Variants in CALN1 observed in about 807,000 individuals in gnomAD.
CALN1 encodes calneuron 1.
In CALN1, 17 loss-of-function variants were observed where a neutral mutation model predicts 30.6. The observed-to-expected ratio is 0.56, with a 90% confidence interval of 0.38 to 0.83. The LOEUF (loss-of-function observed/expected upper bound fraction) is 0.83. CALN1 is among the 40% of genes least tolerant of loss of function. The pLI, the probability that CALN1 is intolerant of heterozygous loss-of-function variation, is 0.00. For synonymous variants in CALN1, 156 were observed against 131.4 expected, an observed-to-expected ratio of 1.19 and a Z score of -1.28; for missense variants, 291 against 354.9, an observed-to-expected ratio of 0.82 and a Z score of 1.45.
intron 2 of CALN1, among the ~76,000 whole-genome samples, chr7:72,392,001 C>T (rs1470991914): frequency 2.6e-5 from 4 of 152,198 alleles, no homozygotes; most frequent in African/African-American, 9.7e-5. Context: ...ATGGCAGAAG[C>T]AATAGCTTAC....
Position 72,128,764 on chromosome 7 carries a change from C to T in CALN1, c.245-22470G>A, listed in dbSNP as rs368388148. On this transcript the variant is annotated intron_variant, in intron 3 of 6. Coordinates refer to ENST00000395275, the MANE Select transcript of CALN1 (RefSeq NM_031468.4). The stretch of plus-strand genomic sequence containing the variant: ...GCAGGCATCTATAATCCCAGCTACT[C>T]AGGAGGCTGAGGCAGGAGAATCACT... Among the ~76,000 whole-genome samples, 32 of 152,182 alleles carry T rather than the reference C, an allele frequency of 2.1e-4. No individual in the cohort carries two copies. The East Asian group carries it at 5.8e-3, about 28-fold the overall frequency.
At chr7:72,037,276 G>A (rs1182204242) in intron 4 of CALN1, among the ~76,000 whole-genome samples, 6 of 151,932 alleles carry the variant, frequency 3.9e-5, no homozygotes, top group Admixed American at 2.0e-4. Context: ...TCAGCCTCCC[G>A]AGTAGCTGGG....
At chr7:72,395,039 C>G (rs1402473442) in intron 2 of CALN1, among the ~76,000 whole-genome samples, 1 of 152,036 alleles carries the variant, frequency 6.6e-6, no homozygotes, top group Admixed American at 6.6e-5. Context: ...CCTGATGTGC[C>G]CCAGGAACGC....
In CALN1 at chr7:72,340,996, A is replaced by G. The variant is rs376881705; in HGVS notation, c.120-62186T>C. Among the ~76,000 whole-genome samples, 3 of 152,214 alleles carry G rather than the reference A, an allele frequency of 2.0e-5. No homozygotes were observed. The East Asian group carries it at 5.8e-4, about 29-fold the overall frequency. On this transcript the variant is annotated intron_variant, in intron 2 of 6. Coordinates refer to ENST00000395275, the MANE Select transcript of CALN1 (RefSeq NM_031468.4). ...CCATTAAATCTTTCTTTTGTAAATTACCCAGTCTCAGCTATGTCTTTATCA... is the reference window on the plus strand; with the variant it reads ...CCATTAAATCTTTCTTTTGTAAATTGCCCAGTCTCAGCTATGTCTTTATCA...
At chr7:71,986,044 A>T (rs1470575958) in intron 5 of CALN1, among the ~76,000 whole-genome samples, 2 of 148,968 alleles carry the variant, frequency 1.3e-5, no homozygotes, top group Non-Finnish European at 2.9e-5. Context: ...ATCAACATGG[A>T]TAAATCTTTC....
intron 3 of CALN1, among the ~76,000 whole-genome samples, chr7:72,164,283 A>C (rs1475192857): frequency 1.3e-5 from 2 of 150,916 alleles, no homozygotes; most frequent in Admixed American, 6.6e-5. Context: ...CAGCAGAATC[A>C]CTTGAACCTG....
chr7:72,407,702 TCA>T (rs1406203933), intron 1 of CALN1, among the ~76,000 whole-genome samples: 1 of 152,176 alleles, frequency 6.6e-6, no homozygotes, highest in African/African-American at 2.4e-5. Flanking sequence ...AGGGATTTCT[TCA>T]GAGCAGTGCA....
At chr7:71,789,022 C>T (rs753037800) in intron 6 of CALN1, among the ~76,000 whole-genome samples, 2 of 152,188 alleles carry the variant, frequency 1.3e-5, no homozygotes, top group East Asian at 3.9e-4. Context: ...AGTATAATCT[C>T]AAACTCCTGA....
chr7:72,194,709 G>A (rs1585135844), intron 3 of CALN1, among the ~76,000 whole-genome samples: 1 of 149,148 alleles, frequency 6.7e-6, no homozygotes. Flanking sequence ...CTCCTGCCTC[G>A]GCCTCCCAAG....
intron 3 of CALN1, among the ~76,000 whole-genome samples, chr7:72,262,920 A>G (rs1796361283): frequency 6.6e-6 from 1 of 152,194 alleles, no homozygotes; most frequent in African/African-American, 2.4e-5. Flanking sequence ...ATGCGCTTAG[A>G]GCTAAGACAC....
chr7:71,804,794 T>C (rs1787511540), intron 6 of CALN1, among the ~76,000 whole-genome samples: 4 of 152,100 alleles, frequency 2.6e-5, no homozygotes, highest in Admixed American at 2.6e-4. Flanking sequence ...AAACCCTGTC[T>C]CTACTAAAAA....
At chr7:72,405,940 T>G (rs762014194) in intron 1 of CALN1, among the ~76,000 whole-genome samples, 18 of 152,152 alleles carry the variant, frequency 1.2e-4, no homozygotes, top group Non-Finnish European at 2.2e-4. Context: ...TGTCGGGAGC[T>G]GATGGTCGCC....
chr7:71,870,899 A>G (rs1211015421), intron 5 of CALN1, among the ~76,000 whole-genome samples: 3 of 152,196 alleles, frequency 2.0e-5, no homozygotes, highest in Non-Finnish European at 2.9e-5. Flanking sequence ...TTGTACTTTT[A>G]ATGCTTATTC....
chr7:71,918,396 A>G (rs1391486787), intron 5 of CALN1, among the ~76,000 whole-genome samples: 1 of 152,208 alleles, frequency 6.6e-6, no homozygotes, highest in East Asian at 1.9e-4. Flanking sequence ...ATTCAGCAAA[A>G]ATGCTAACAG....
intron 1 of CALN1, among the ~76,000 whole-genome samples, chr7:72,438,155 T>A (rs1002779289): frequency 6.6e-6 from 1 of 151,608 alleles, no homozygotes; most frequent in African/African-American, 2.4e-5. Context: ...TTTTTCTTTT[T>A]ATTTTTTGTA....
chr7:71,938,824 A>G (rs988185026), intron 5 of CALN1, among the ~76,000 whole-genome samples: 1 of 152,100 alleles, frequency 6.6e-6, no homozygotes, highest in African/African-American at 2.4e-5. Context: ...AACCACACAC[A>G]GACCCCACAG....
intron 5 of CALN1, among the ~76,000 whole-genome samples, chr7:71,916,803 A>G (rs1229298254): frequency 6.6e-6 from 1 of 152,110 alleles, no homozygotes; most frequent in Non-Finnish European, 1.5e-5. Flanking sequence ...ACTTAAAATA[A>G]AAGTTGAAGA....
chr7:71,924,397 T>C (rs1173149641), intron 5 of CALN1, among the ~76,000 whole-genome samples: 4 of 151,758 alleles, frequency 2.6e-5, no homozygotes, highest in African/African-American at 9.7e-5. Context: ...CTTTACATTT[T>C]TAATATAATA....
intron 2 of CALN1, among the ~76,000 whole-genome samples, chr7:72,328,337 G>C (rs914899251): frequency 5.3e-5 from 8 of 152,152 alleles, no homozygotes; most frequent in African/African-American, 1.9e-4. Flanking sequence ...TAGTGAATAA[G>C]TCTGATGAGA....
Sources: allele counts gnomAD v4.1 joint callset (sites outside exome capture counted in the v4.1 genomes callset), GRCh38; gene constraint gnomAD v4.1.1; transcripts MANE v1.5; gene names NCBI Gene and HGNC (gene_info 2026-07-23, HGNC 2026-07-21).